The following ANKRD44 variants were observed in gnomAD, a reference collection of about 807,000 sequenced individuals.
ANKRD44 encodes the protein serine/threonine-protein phosphatase 6 regulatory ankyrin repeat subunit B.
ANKRD44 carries 35 observed loss-of-function variants against 116.0 expected under a neutral mutation model. The observed-to-expected ratio is 0.30, with a 90% CI of 0.23 to 0.40. The LOEUF (loss-of-function observed/expected upper bound fraction) is 0.40, where lower values mean the gene tolerates loss of function less well. ANKRD44 is among the 10% of genes least tolerant of loss of function. ANKRD44 has a pLI of 1.00. For missense variants in ANKRD44, 1,014 were observed against 1,242.6 expected, an observed-to-expected ratio of 0.82 and a Z score of 2.77; for synonymous variants, 435 against 461.8, an observed-to-expected ratio of 0.94 and a Z score of 0.74.
intron 1 of ANKRD44, among the ~76,000 whole-genome samples, chr2:197,305,965 TTTTATATATATA>T (rs2084056911): frequency 1.1e-5 from 1 of 90,678 alleles, no homozygotes; most frequent in African/African-American, 4.9e-5. Flanking sequence ...CCGCAGTTCG[TTTTATATATATA>T]TATATATATA....
intron 11 of ANKRD44, among the ~76,000 whole-genome samples, chr2:197,089,633 CT>C (rs1298016576): frequency 6.6e-6 from 1 of 152,184 alleles, no homozygotes; most frequent in Non-Finnish European, 1.5e-5. Context: ...ACCTCAAAGA[CT>C]TTTCCTTCTT....
intron 13 of ANKRD44, among the ~76,000 whole-genome samples, 176 bp from the exon 14 acceptor site, chr2:197,083,685 A>G (rs1041070997): frequency 1.3e-5 from 2 of 152,238 alleles, no homozygotes; most frequent in African/African-American, 4.8e-5. Flanking sequence ...CTTATCTGAA[A>G]TGCTTGGAAC....
intron 1 of ANKRD44, among the ~76,000 whole-genome samples, chr2:197,213,091 G>A (rs1300926430): frequency 2.0e-5 from 3 of 152,152 alleles, no homozygotes; most frequent in Non-Finnish European, 2.9e-5. Flanking sequence ...GGCCTCCATG[G>A]TGGCACCTTC....
At chr2:197,222,226 C>A (rs1461135362) in intron 1 of ANKRD44, among the ~76,000 whole-genome samples, 2 of 152,118 alleles carry the variant, frequency 1.3e-5, no homozygotes, top group East Asian at 1.9e-4. Context: ...CTTTATCCCC[C>A]ATGGTACCTG....
At chr2:197,118,639 G>GAGAGAGAGAAAGAAAGAAAGAAAGAAAA (rs1219165133) in intron 8 of ANKRD44, among the ~76,000 whole-genome samples, 7 of 135,808 alleles carry the variant, frequency 5.2e-5, no homozygotes, top group African/African-American at 2.0e-4. Context: ...GAGAGAGAGA[G>GAGAGAGAGAAAGAAAGAAAGAAAGAAAA]AAAGAAAGAA....
intron 2 of ANKRD44, among the ~76,000 whole-genome samples, chr2:197,152,679 G>A (rs2079684703): frequency 6.6e-6 from 1 of 152,240 alleles, no homozygotes; most frequent in South Asian, 2.1e-4. Context: ...GACATGGGCA[G>A]AGAGGCCATT....
intron 9 of ANKRD44, among the ~76,000 whole-genome samples, chr2:197,104,190 G>A (rs985427480): frequency 2.0e-5 from 3 of 152,074 alleles, no homozygotes; most frequent in South Asian, 2.1e-4. Context: ...ACACAGTCTC[G>A]GCTCACTGCA....
At chr2:197,291,283 G>A (rs895995269) in intron 1 of ANKRD44, among the ~76,000 whole-genome samples, 1 of 152,200 alleles carries the variant, frequency 6.6e-6, no homozygotes, top group South Asian at 2.1e-4. Flanking sequence ...GCCAAGGCAG[G>A]TGGATCACCT....
intron 1 of ANKRD44, among the ~76,000 whole-genome samples, chr2:197,277,944 A>G (rs1238250631): frequency 6.6e-6 from 1 of 152,200 alleles, no homozygotes; most frequent in African/African-American, 2.4e-5. Context: ...AAGTAACTTA[A>G]TTGAGACAAC....
chr2:197,026,260 T>C (rs913692297), intron 16 of ANKRD44, among the ~76,000 whole-genome samples: 1 of 152,224 alleles, frequency 6.6e-6, no homozygotes, highest in Non-Finnish European at 1.5e-5. Context: ...TGTTTTCCTA[T>C]TGCAGAGGTG....
intron 16 of ANKRD44, among the ~76,000 whole-genome samples, chr2:197,063,591 T>A (rs1330475904): frequency 6.6e-6 from 1 of 152,028 alleles, no homozygotes; most frequent in African/African-American, 2.4e-5. Flanking sequence ...GAAAAACCAG[T>A]GTAGAGAAGT....
intron 16 of ANKRD44, among the ~76,000 whole-genome samples, chr2:197,075,759 A>T (rs1420492203): frequency 6.6e-6 from 1 of 152,188 alleles, no homozygotes; most frequent in East Asian, 1.9e-4. Flanking sequence ...GACTGAACAC[A>T]AAGTGGTTTA....
chr2:197,148,698 T>C (rs1019947977), intron 2 of ANKRD44, among the ~76,000 whole-genome samples: 2 of 152,184 alleles, frequency 1.3e-5, no homozygotes. Flanking sequence ...AGTCTATTTT[T>C]TAGAAAGTCT....
Position 197,214,907 on chromosome 2 carries a change from T to G in ANKRD44, c.28-27801A>C, listed in dbSNP as rs988790889. Reference sequence around the variant, plus strand: ...GTTTTGTTTTTTTTGAGACAGAGTCTCACTCTGTCACCCAGGCTAGAATGC... The same window carrying G: ...GTTTTGTTTTTTTTGAGACAGAGTCGCACTCTGTCACCCAGGCTAGAATGC... On this transcript the variant is annotated intron_variant, in intron 1 of 27. Transcript: ENST00000282272. Among the ~76,000 whole-genome samples, 7 of 152,158 alleles carry G rather than the reference T, an allele frequency of 4.6e-5. No homozygotes were observed. The East Asian group carries it at 1.3e-3, about 29-fold the overall frequency.
intron 1 of ANKRD44, among the ~76,000 whole-genome samples, chr2:197,256,341 TATG>T (rs1401432149): frequency 6.6e-6 from 1 of 152,206 alleles, no homozygotes; most frequent in African/African-American, 2.4e-5. Flanking sequence ...CCTGCTGTTC[TATG>T]ATGTGTTTCT....
At chr2:197,054,900 G>T (rs2077175448) in intron 16 of ANKRD44, among the ~76,000 whole-genome samples, 1 of 152,160 alleles carries the variant, frequency 6.6e-6, no homozygotes, top group African/African-American at 2.4e-5. Flanking sequence ...GTAAATTGAG[G>T]AAAAGAGGCA....
chr2:197,265,820 A>C (rs534947086), intron 1 of ANKRD44, among the ~76,000 whole-genome samples: 1 of 152,284 alleles, frequency 6.6e-6, no homozygotes, highest in East Asian at 1.9e-4. Context: ...AGAGACAAAA[A>C]GGAACGTTTT....
At chr2:196,993,550 T>C in intron 27 of ANKRD44, 33 bp downstream of exon 27, 5 of 1,504,288 alleles carry the variant, frequency 3.3e-6, no homozygotes, top group Non-Finnish European at 4.5e-6. Context: ...TTATGGAAGG[T>C]ACCTGCAGTC....
At chr2:197,072,046 A>G (rs79720947) in intron 16 of ANKRD44, among the ~76,000 whole-genome samples, 96 of 111,296 alleles carry the variant, frequency 8.6e-4, no homozygotes, top group East Asian at 1.3e-3. Context: ...GAGGGAGGAA[A>G]GAAGGAAGGA....
Sources: gnomAD v4.1 joint callset for allele counts (sites outside exome capture counted in the v4.1 genomes callset) on GRCh38, gnomAD v4.1.1 for gene constraint, MANE v1.5 for transcripts, NCBI Gene and HGNC (gene_info 2026-07-23, HGNC 2026-07-21) for gene names.